BTAF1: variants seen among roughly 807,000 people sequenced by gnomAD.
The protein encoded by BTAF1 is TATA-binding protein-associated factor 172.
BTAF1 carries 38 observed loss-of-function variants against 227.1 expected under a neutral mutation model. The observed-to-expected ratio is 0.17, with a 90% CI of 0.13 to 0.22. The LOEUF (loss-of-function observed/expected upper bound fraction) is 0.22. Among genes scored for constraint, BTAF1 ranks in the 10% least tolerant of loss-of-function variants. The pLI, the probability that BTAF1 is intolerant of heterozygous loss-of-function variation, is 1.00. For missense variants in BTAF1, 1,598 were observed against 2,204.0 expected (o/e 0.73, Z 5.51); for synonymous variants, 742 against 751.9 (o/e 0.99, Z 0.21).
At chr10:91,986,964 C>T (rs192744713) in intron 19 of BTAF1, among the ~76,000 whole-genome samples, 98 of 152,096 alleles carry the variant, frequency 6.4e-4, no homozygotes, top group Non-Finnish European at 3.2e-4. Flanking sequence ...CATTTCCCTG[C>T]GATCTTTGTC....
chr10:91,991,456 CA>C (rs1848749935), intron 20 of BTAF1, among the ~76,000 whole-genome samples: 1 of 148,156 alleles, frequency 6.7e-6, no homozygotes, highest in Non-Finnish European at 1.5e-5. Context: ...AAAATAACAA[CA>C]AAAAATTAAT....
chr10:91,935,923 C>CTTT, intron 2 of BTAF1, 143 bp downstream of exon 2: 7 of 599,014 alleles, frequency 1.2e-5, no homozygotes, highest in Non-Finnish European at 1.7e-5. Flanking sequence ...AAGACTTAAA[C>CTTT]TTTTTTTTTT....
At chr10:91,926,761 C>G (rs1218520583) in intron 1 of BTAF1, among the ~76,000 whole-genome samples, 3 of 152,302 alleles carry the variant, frequency 2.0e-5, no homozygotes, top group Non-Finnish European at 4.4e-5. Context: ...ACAGGAGCCT[C>G]TCTCCTTTTC....
chr10:91,978,524 TC>T (rs985241373), intron 14 of BTAF1, among the ~76,000 whole-genome samples: 2 of 152,172 alleles, frequency 1.3e-5, no homozygotes, highest in Admixed American at 6.5e-5. Flanking sequence ...ACTTTTTTCT[TC>T]CCAGCTTCCC....
At chr10:91,961,666 T>C (rs1846528280) in intron 11 of BTAF1, among the ~76,000 whole-genome samples, 1 of 152,144 alleles carries the variant, frequency 6.6e-6, no homozygotes, top group African/African-American at 2.4e-5. Context: ...TAGATAACAG[T>C]AGACTTATAT....
At position 91,989,266 on chromosome 10, in the gene BTAF1, A is replaced by G. The variant is rs937977209; in HGVS notation, c.2540A>G (p.Gln847Arg). The change falls in exon 20 of 38, where the codon CAG (glutamine) becomes CGG (arginine). Residue 847 changes from glutamine (Q) to arginine (R), a missense_variant. Gln to Arg is a conservative substitution (Grantham distance 43). Transcript: ENST00000265990. The stretch of plus-strand genomic sequence containing the variant: ...CAAATGACAGTTACAGAGACCAACC[A>G]GGAGTGGCAAGTGTTGCAGTTGAGA... ...QVQMTVTETN[Q>R]EWQVLQLRVH... is the part of the protein sequence containing the mutation. 1.2e-6 allele frequency: 2 copies of G among 1,614,104 alleles called. No homozygotes were observed. The highest frequency in any genetic ancestry group is 1.7e-6 in the Non-Finnish European group (2 of 1,180,044).
At chr10:91,997,464 C>A in intron 24 of BTAF1, 139 bp from the exon 25 acceptor site, 3 of 705,318 alleles carry the variant, frequency 4.3e-6, no homozygotes, top group Non-Finnish European at 6.9e-6. Context: ...GAATCATAGG[C>A]CTGGAGGGTC....
chr10:91,971,762 G>A (rs879278328), intron 14 of BTAF1, among the ~76,000 whole-genome samples: 1 of 151,970 alleles, frequency 6.6e-6, no homozygotes, highest in South Asian at 2.1e-4. Context: ...ATGAGCCACC[G>A]TGCCCAGCCC....
At chr10:91,984,778 A>T (rs1848290162) in intron 19 of BTAF1, among the ~76,000 whole-genome samples, 1 of 152,182 alleles carries the variant, frequency 6.6e-6, no homozygotes, top group Non-Finnish European at 1.5e-5. Flanking sequence ...AGAAAAAGTG[A>T]TGAAATTACA....
chr10:92,028,502 A>G (rs1033455826), intron 37 of BTAF1, among the ~76,000 whole-genome samples: 1 of 152,170 alleles, frequency 6.6e-6, no homozygotes, highest in Non-Finnish European at 1.5e-5. Flanking sequence ...ATATCTAACT[A>G]TATTTCTGAC....
At chr10:91,994,299 C>CAA (rs58656336) in intron 22 of BTAF1, among the ~76,000 whole-genome samples, 3 of 135,920 alleles carry the variant, frequency 2.2e-5, no homozygotes, top group African/African-American at 8.5e-5. Flanking sequence ...GACTCTGTCT[C>CAA]AAAAAAAAAA....
At chr10:92,028,695 ATTG>A in intron 37 of BTAF1, 92 bp from the exon 38 acceptor site, 1 of 1,225,490 alleles carries the variant, frequency 8.2e-7, no homozygotes, top group Non-Finnish European at 1.1e-6. Flanking sequence ...CTGTTGAATA[ATTG>A]TATTAGAAAC....
chr10:91,970,664 A>T (rs142171742), intron 14 of BTAF1, among the ~76,000 whole-genome samples: 364 of 152,352 alleles, frequency 2.4e-3, no homozygotes, highest in African/African-American at 8.2e-3. Context: ...TGAGATTTGG[A>T]TGGGGACACA....
At chr10:91,958,572 G>A (rs1162897442) in intron 8 of BTAF1, among the ~76,000 whole-genome samples, 1 of 152,002 alleles carries the variant, frequency 6.6e-6, no homozygotes, top group South Asian at 2.1e-4. Context: ...CGTGGTGGCG[G>A]GCGCCTGAAA....
intron 16 of BTAF1, 104 bp downstream of exon 16, chr10:91,981,896 A>C: frequency 7.2e-7 from 1 of 1,392,884 alleles, no homozygotes; most frequent in Non-Finnish European, 9.6e-7. Context: ...GATTTAATTA[A>C]CATAAGTAAG....
chr10:92,018,744 C>T (rs779654513), intron 33 of BTAF1, 39 bp from the exon 34 acceptor site: 29 of 1,385,448 alleles, frequency 2.1e-5, no homozygotes, highest in Admixed American at 8.1e-5. Flanking sequence ...TTGTGATATG[C>T]GAAATTGACT....
At chr10:91,957,630 T>A (rs73312387) in intron 8 of BTAF1, among the ~76,000 whole-genome samples, 1,784 of 152,298 alleles carry the variant, frequency 0.012, 33 homozygotes, top group African/African-American at 0.04. Context: ...CCAAGCCAGC[T>A]TTTTAGCCTC....
intron 14 of BTAF1, 105 bp from the exon 15 acceptor site, chr10:91,980,349 C>A (rs1847977203): frequency 1.3e-6 from 1 of 788,706 alleles, no homozygotes; most frequent in Non-Finnish European, 2.1e-6. Flanking sequence ...TGAAACCATG[C>A]AGTCTTTTCA....
intron 8 of BTAF1, among the ~76,000 whole-genome samples, chr10:91,958,267 G>T (rs1846237586): frequency 6.6e-6 from 1 of 152,038 alleles, no homozygotes; most frequent in Non-Finnish European, 1.5e-5. Context: ...GGCCAGGCTG[G>T]TCTTGCTTGA....
Sources: gnomAD v4.1 joint callset for allele counts (sites outside exome capture counted in the v4.1 genomes callset) on GRCh38, gnomAD v4.1.1 for gene constraint, MANE v1.5 for transcripts, NCBI Gene and HGNC (gene_info 2026-07-23, HGNC 2026-07-21) for gene names.